The following FAT2 variants were observed in gnomAD, a reference collection of about 807,000 sequenced individuals.
FAT2 encodes the protein protocadherin Fat 2.
A neutral mutation model predicts 295.3 loss-of-function variants in FAT2; 150 were observed. The observed-to-expected ratio is 0.51, with a 90% CI of 0.44 to 0.58. The LOEUF is 0.58. FAT2 is among the 20% of genes least tolerant of loss of function. FAT2 has a pLI of 0.00. For synonymous variants in FAT2, 2,026 were observed against 2,150.3 expected, an observed-to-expected ratio of 0.94 and a Z score of 1.60; for missense variants, 4,868 against 5,442.7, an observed-to-expected ratio of 0.89 and a Z score of 3.32.
intron 18 of FAT2, among the ~76,000 whole-genome samples, chr5:151,523,516 C>T (rs1753697472): frequency 6.6e-6 from 1 of 152,108 alleles, no homozygotes; most frequent in Admixed American, 6.5e-5. Context: ...GTGTCTATAG[C>T]CTGTGTTTTT....
At chr5:151,507,738 A>C in intron 22 of FAT2, 127 bp from the exon 23 acceptor site, 2 of 796,514 alleles carry the variant, frequency 2.5e-6, no homozygotes, top group Non-Finnish European at 3.9e-6. Context: ...TCACCCCCCA[A>C]AAAAGTAACT....
At position 151,557,349 on chromosome 5, in the gene FAT2, G is replaced by A. The variant is rs185163403; in HGVS notation, c.3575-947C>T. Among the ~76,000 whole-genome samples the A allele has an allele frequency of 8.5e-5, 13 of 152,208 alleles. No homozygotes were observed. In the East Asian group the frequency reaches 2.3e-3, roughly 27 times the overall value. On this transcript the variant is annotated intron_variant, in intron 3 of 23. Transcript: ENST00000261800. ...TCATTATCTGGGGTGAGGCTGACCC[G>A]CCTGGGGAGAAGTTTATAGCCCAAG...
intron 1 of FAT2, among the ~76,000 whole-genome samples, chr5:151,571,759 T>C (rs1758537050): frequency 6.6e-6 from 1 of 152,226 alleles, no homozygotes; most frequent in Non-Finnish European, 1.5e-5. Context: ...ACTACCTTCC[T>C]AGTTCACAAC....
intron 1 of FAT2, among the ~76,000 whole-genome samples, chr5:151,573,593 G>A (rs1255895622): frequency 6.6e-6 from 1 of 152,228 alleles, no homozygotes; most frequent in African/African-American, 2.4e-5. Context: ...GTTGGAGGTT[G>A]CAGTGAGCCG....
At chr5:151,558,499 G>A (rs1390883960) in intron 3 of FAT2, among the ~76,000 whole-genome samples, 2 of 151,978 alleles carry the variant, frequency 1.3e-5, no homozygotes, top group African/African-American at 4.8e-5. Context: ...TGTGCCTGTA[G>A]TCCCAGCTAC....
At chr5:151,574,354 G>GACT (rs555212285) in intron 1 of FAT2, among the ~76,000 whole-genome samples, 107 of 152,286 alleles carry the variant, frequency 7.0e-4, no homozygotes, top group African/African-American at 2.5e-3. Flanking sequence ...CTCTGCCCCA[G>GACT]GTGTTCAGTG....
chr5:151,505,477 C>T lies in FAT2; in HGVS notation c.*88G>A. Reference sequence around the variant, plus strand: ...AGGGCTTCCCTCCCACTCTCCCAGCCACACTCAACTCACCCCCTACGAGAC... The same window carrying T: ...AGGGCTTCCCTCCCACTCTCCCAGCTACACTCAACTCACCCCCTACGAGAC... On this transcript the variant is annotated 3_prime_UTR_variant, in exon 24 of 24. Coordinates refer to ENST00000261800, the MANE Select transcript of FAT2 (RefSeq NM_001447.3). 6.6e-7 allele frequency: 1 copy of T among 1,520,028 alleles called. No homozygotes were observed. The highest frequency in any genetic ancestry group is 9.0e-7 in the Non-Finnish European group (1 of 1,115,700). 94.2% of individuals were successfully genotyped at this position (1,520,028 alleles called of 1,614,324 possible). A position where few individuals can be genotyped will look rare whatever the true frequency, so the allele number is the denominator to read the frequency against.
intron 22 of FAT2, among the ~76,000 whole-genome samples, chr5:151,508,436 G>A (rs1192200475): frequency 2.6e-5 from 4 of 152,310 alleles, no homozygotes; most frequent in East Asian, 1.9e-4. Context: ...TCGACTGGGC[G>A]CAGTGGCTCA....
rs1757388052 is a variant in FAT2, at chr5:151,553,346, A to G, written c.3987T>C (p.Ser1329=). The G allele has an allele frequency of 6.2e-7, 1 of 1,614,260 alleles. No homozygotes were observed. The highest frequency in any genetic ancestry group is 8.5e-7 in the Non-Finnish European group (1 of 1,180,048). The stretch of plus-strand genomic sequence containing the variant: ...GGATCCACTCAATGTGTAGCCGGAC[A>G]CTGGCTGAGAGTGGTGGCTGCCCAC... The part of the protein sequence containing the change: ...TDSGQPPLSA[S]VRLHIEWIPW... The change falls in exon 6 of 24, where the codon AGT becomes AGC. Residue 1329 remains serine (S), a synonymous_variant. Coordinates refer to ENST00000261800, the MANE Select transcript of FAT2 (RefSeq NM_001447.3).
chr5:151,527,842 A>G (rs1349170687), intron 16 of FAT2, among the ~76,000 whole-genome samples, 154 bp downstream of exon 16: 2 of 152,158 alleles, frequency 1.3e-5, no homozygotes, highest in African/African-American at 2.4e-5. Flanking sequence ...CACAGTCCAC[A>G]GAGGCCCCAC....
At position 151,543,752 on chromosome 5, in the gene FAT2, C is replaced by T. The variant is rs1221839209; in HGVS notation, c.7375G>A (p.Gly2459Arg). 10 of 1,614,056 alleles carry T rather than the reference C, an allele frequency of 6.2e-6. No individual in the cohort carries two copies. Among genetic ancestry groups the T allele is most frequent in the Admixed American group, 1.7e-5 (1 of 60,004 alleles). Residue 2459 changes from glycine (G) to arginine (R), a missense_variant, in exon 10 of 24, where the codon GGA (glycine) becomes AGA (arginine). By Grantham distance (125) the Gly-to-Arg change is moderately radical. Transcript: ENST00000261800. The stretch of plus-strand genomic sequence containing the variant: ...ACAGGCACAGTTGCTCGGAAGACTC[C>T]ATCAGAAGCACCTACCCTCAAATTG... ...SYNLRVGASD[G>R]VFRATVPVYI...
upstream of FAT2, among the ~76,000 whole-genome samples, chr5:151,592,540 T>C (rs1425244279): frequency 6.6e-6 from 1 of 152,160 alleles, no homozygotes; most frequent in Non-Finnish European, 1.5e-5. Context: ...AGCAATCAGT[T>C]TGAGCTCTTA....
chr5:151,572,259 T>C (rs1758562565), intron 1 of FAT2, among the ~76,000 whole-genome samples: 1 of 152,214 alleles, frequency 6.6e-6, no homozygotes, highest in African/African-American at 2.4e-5. Flanking sequence ...GTGCCTGGTA[T>C]AGAACCAGGC....
Position 151,566,441 on chromosome 5 carries a change from C to A in FAT2, c.2491G>T (p.Glu831Ter). The change falls in exon 2 of 24, where the codon GAG (glutamate) becomes TAG (stop). Residue 831 changes from glutamate to a stop codon, truncating the protein, a stop_gained. Transcript: ENST00000261800. LOFTEE classifies it high-confidence loss of function. ...ATTGTGGTTCCAACTTCTGTGTCCT[C>A]CGAGATGGTTAACTGGTACCCACCG... ...PPGGYQLTIS[E>*]DTEVGTTIAE... 6.2e-7 allele frequency: 1 copy of A among 1,613,398 alleles called. No individual in the cohort carries two copies. Among genetic ancestry groups the A allele is most frequent in the Non-Finnish European group, 8.5e-7 (1 of 1,179,646 alleles).
At chr5:151,584,024 G>GT (rs765290785) in intron 1 of FAT2, among the ~76,000 whole-genome samples, 7 of 106,486 alleles carry the variant, frequency 6.6e-5, no homozygotes, top group African/African-American at 1.4e-4. Context: ...AAAAAAAAAA[G>GT]TTTTTTTTAA....
rs2127602503 is a variant in FAT2 at position 151,540,651 on chromosome 5, T to C, written c.8955A>G (p.Thr2985=). The change falls in exon 11 of 24, where the codon ACA becomes ACG. Residue 2985 remains threonine (T), a synonymous_variant. Coordinates refer to ENST00000261800, the MANE Select transcript of FAT2 (RefSeq NM_001447.3). ...EHTAKYLLRV[T]ASDGKFQASV... Reference sequence around the variant, plus strand: ...AAGCCTGGAACTTGCCATCAGATGCTGTGACTCTGAGCAAGTACTTGGCTG... The same window carrying C: ...AAGCCTGGAACTTGCCATCAGATGCCGTGACTCTGAGCAAGTACTTGGCTG... 6.2e-7 allele frequency: 1 copy of C among 1,614,192 alleles called. No individual in the cohort carries two copies. The highest frequency in any genetic ancestry group is 2.2e-5 in the East Asian group (1 of 44,882).
upstream of FAT2, among the ~76,000 whole-genome samples, chr5:151,591,536 G>A (rs1198914607): frequency 1.3e-5 from 2 of 152,176 alleles, no homozygotes; most frequent in Admixed American, 6.5e-5. Context: ...TGGTTTCACC[G>A]AGGGATAAAC....
intron 20 of FAT2, among the ~76,000 whole-genome samples, chr5:151,513,029 G>C (rs776902156): frequency 1.6e-4 from 24 of 152,200 alleles, no homozygotes; most frequent in Non-Finnish European, 2.4e-4. Flanking sequence ...AGGTCCCCAA[G>C]ACCTTTTCAG....
Position 151,588,728 on chromosome 5 carries a change from TG to T in FAT2, c.-21+2436del, listed in dbSNP as rs532426576. 4.6e-5 allele frequency among the ~76,000 whole-genome samples: 7 copies of T among 152,352 alleles called. No individual in the cohort carries two copies. In the South Asian group the frequency reaches 1.5e-3, roughly 32 times the overall value. On this transcript the variant is annotated intron_variant, in intron 1 of 23. Coordinates refer to ENST00000261800, the MANE Select transcript of FAT2 (RefSeq NM_001447.3). ...CACAAATAATTAATAATTATAATTA[TG>T]ACCAGTCTTAGGGAGGAACACTTCA...
Sources: gnomAD v4.1 joint callset for allele counts (sites outside exome capture counted in the v4.1 genomes callset) on GRCh38, gnomAD v4.1.1 for gene constraint, MANE v1.5 for transcripts, NCBI Gene and HGNC (gene_info 2026-07-23, HGNC 2026-07-21) for gene names.